Variants in IL17REL observed in about 807,000 individuals in gnomAD.
IL17REL encodes the protein interleukin 17 receptor E like, also known as interleukin-17 receptor E-like protein.
Under a neutral mutation model 49.0 loss-of-function variants are expected in IL17REL, and 36 were observed. The observed-to-expected ratio is 0.73, with a 90% CI of 0.56 to 0.97. IL17REL has a LOEUF of 0.97. Among genes scored for constraint, IL17REL ranks in the 50% least tolerant of loss-of-function variants. The probability of loss-of-function intolerance (pLI) is 0.00; values close to 1 mark genes in which losing one functional copy is unlikely to be tolerated. For missense variants in IL17REL, 470 were observed against 453.9 expected (o/e 1.04, Z -0.32); for synonymous variants, 206 against 192.4 (o/e 1.07, Z -0.58).
intron 7 of IL17REL, 71 bp from the exon 10 acceptor site, chr22:49,998,380 AC>A: frequency 6.8e-7 from 1 of 1,461,084 alleles, no homozygotes; most frequent in Non-Finnish European, 9.2e-7. Context: ...GGGGTCTAGC[AC>A]CCACTCAAGT....
In IL17REL at chr22:49,999,814, G is replaced by C. The variant is rs1312903704; in HGVS notation, c.474+14C>G. On this transcript the variant is annotated intron_variant, in intron 5 of 12. Transcript: ENST00000341280. ...GGCCTAAGGCTGACCGGGGCCCGGG[G>C]CGCGGGCGCTCACTCGCACAGGGGC... 7 of 1,496,032 alleles carry C rather than the reference G, an allele frequency of 4.7e-6. No individual in the cohort carries two copies. Among genetic ancestry groups the C allele is most frequent in the African/African-American group, 1.5e-5 (1 of 68,964 alleles). The allele number at this position is 1,496,032 out of a possible 1,614,324, so 92.7% of individuals were successfully genotyped here. A position where few individuals can be genotyped will look rare whatever the true frequency, so the allele number is the denominator to read the frequency against.
chr22:50,000,485 G>T lies in IL17REL; in HGVS notation c.327C>A (p.Leu109=). The change falls in exon 4 of 13, where the codon CTC becomes CTA. Residue 109 remains leucine (L), a synonymous_variant. Transcript: ENST00000341280. ...GGGCCCTGGGGACCCTACCTTCCAC[G>T]AGGTGCCTCTGGTCCAGCTGGACCC... is the stretch of plus-strand genomic sequence containing the variant. 3.1e-6 allele frequency: 5 copies of T among 1,612,106 alleles called. No individual in the cohort carries two copies. The South Asian group carries it at 5.5e-5, about 18-fold the overall frequency.
downstream of IL17REL, among the ~76,000 whole-genome samples, chr22:49,994,319 G>A (rs2061020869): frequency 6.6e-6 from 1 of 152,098 alleles, no homozygotes; most frequent in South Asian, 2.1e-4. Context: ...ATGTGACGCT[G>A]ACCTCAAATC....
At chr22:49,994,981 C>T (rs1055940110) in exon 13 of IL17REL, 5 of 152,572 alleles carry the variant, frequency 3.3e-5, no homozygotes, top group African/African-American at 7.2e-5. Context: ...AGTGACTGAC[C>T]GTTGCTGGGT....
chr22:50,009,931 G>A, upstream of IL17REL, among the ~76,000 whole-genome samples: 1 of 152,272 alleles, frequency 6.6e-6, no homozygotes. Context: ...GTGTGGAATC[G>A]GCGGCAGTCA....
At chr22:50,003,075 TAG>T (rs761205374) in intron 1 of IL17REL, among the ~76,000 whole-genome samples, 2 of 152,066 alleles carry the variant, frequency 1.3e-5, no homozygotes, top group Non-Finnish European at 2.9e-5. Context: ...GAAACTGGGA[TAG>T]AGAGTCTGGG....
chr22:50,009,314 C>T (rs1215984477), upstream of IL17REL, among the ~76,000 whole-genome samples: 1 of 152,100 alleles, frequency 6.6e-6, no homozygotes, highest in Admixed American at 6.5e-5. Flanking sequence ...CCCAACCTGA[C>T]CAAGGGCACT....
rs1188172395 is a variant in IL17REL, at chr22:49,999,341, C to T, written c.551G>A (p.Trp184Ter). 6.2e-7 allele frequency: 1 copy of T among 1,612,882 alleles called. No individual in the cohort carries two copies. Among genetic ancestry groups the T allele is most frequent in the Non-Finnish European group, 8.5e-7 (1 of 1,180,010 alleles). The change falls in exon 7 of 13, where the codon TGG becomes TAG. Residue 184 changes from tryptophan to a stop codon, truncating the protein, a stop_gained. Coordinates refer to ENST00000341280, the Ensembl canonical transcript of IL17REL. LOFTEE classifies it high-confidence loss of function. Reference sequence around the variant, plus strand: ...CCGCACCGCGTCAGGGGTCGCAGACCAGCCCTGTGGGAGGGGCTGGGGTCA... The same window carrying T: ...CCGCACCGCGTCAGGGGTCGCAGACTAGCCCTGTGGGAGGGGCTGGGGTCA...
intron 10 of IL17REL, 64 bp downstream of exon 12, chr22:49,997,619 GCA>G (rs1302998077): frequency 2.6e-6 from 4 of 1,527,928 alleles, no homozygotes; most frequent in Non-Finnish European, 3.6e-6. Context: ...TCCCTGACCA[GCA>G]CAGAGTGATA....
At position 50,000,743 on chromosome 22, in the gene IL17REL, C is replaced by T; in HGVS notation, c.219+11G>A. On this transcript the variant is annotated intron_variant, in intron 3 of 12. Transcript: ENST00000341280. ...CGGGACTTGGGTGGCAGAGCCCTGC[C>T]TTGGCCTCACCTGCTGCCCCCCCTG... is the stretch of plus-strand genomic sequence containing the variant. 1 of 1,578,300 alleles carries T rather than the reference C, an allele frequency of 6.3e-7. No individual in the cohort carries two copies.
chr22:49,996,713 T>C, exon 13 of IL17REL: 1 of 355,742 alleles, frequency 2.8e-6, no homozygotes, highest in Non-Finnish European at 5.1e-6. Context: ...CCACCCAGTC[T>C]CCTGTTCAGT....
rs1420027153 is a variant in IL17REL, at chr22:49,999,343, G to A, written c.549C>T (p.Gly183=). ...GCACCGCGTCAGGGGTCGCAGACCAGCCCTGTGGGAGGGGCTGGGGTCAGC... is the reference window on the plus strand; with the variant it reads ...GCACCGCGTCAGGGGTCGCAGACCAACCCTGTGGGAGGGGCTGGGGTCAGC... The change falls in exon 7 of 13, where the codon GGC becomes GGT. Residue 183 remains glycine, a splice_region_variant and synonymous_variant. Coordinates refer to ENST00000341280, the Ensembl canonical transcript of IL17REL. 1.9e-6 allele frequency: 3 copies of A among 1,612,872 alleles called. No homozygotes were observed. The East Asian group carries it at 6.7e-5, about 36-fold the overall frequency.
upstream of IL17REL, among the ~76,000 whole-genome samples, chr22:50,011,476 C>G (rs556962986): frequency 3.3e-5 from 5 of 152,126 alleles, no homozygotes; most frequent in African/African-American, 1.2e-4. Flanking sequence ...GCCGCCTCCC[C>G]CCATGTCTCC....
chr22:50,011,184 C>T (rs949014442), upstream of IL17REL, among the ~76,000 whole-genome samples: 6 of 151,812 alleles, frequency 4.0e-5, no homozygotes, highest in African/African-American at 1.2e-4. Flanking sequence ...CTCAACCCTC[C>T]CCACCCCATC....
chr22:49,997,269 GC>G, intron 11 of IL17REL, 50 bp downstream of exon 13: 1 of 1,561,496 alleles, frequency 6.4e-7, no homozygotes, highest in South Asian at 1.1e-5. Flanking sequence ...ATGGGGTCCT[GC>G]CGCCACCACC....
At chr22:49,997,018 G>T (rs1296474867) in exon 12 of IL17REL, 5 of 1,544,142 alleles carry the variant, frequency 3.2e-6, no homozygotes. Flanking sequence ...CTGGGGCACA[G>T]GCCTCCTCCC....
chr22:50,000,425 C>A, intron 4 of IL17REL, 53 bp downstream of exon 5: 1 of 1,393,970 alleles, frequency 7.2e-7, no homozygotes, highest in Non-Finnish European at 1.0e-6. Context: ...CACCCCAAGC[C>A]AGGCCCTGGA....
upstream of IL17REL, among the ~76,000 whole-genome samples, chr22:50,011,636 C>G (rs1401211770): frequency 1.3e-5 from 2 of 152,064 alleles, no homozygotes; most frequent in Non-Finnish European, 2.9e-5. Context: ...GGACACCCCT[C>G]CCACCTGAAC....
chr22:49,999,519 G>T lies in IL17REL; in HGVS notation c.475-17C>A, dbSNP rs906987811. The T allele has an allele frequency of 1.3e-6, 2 of 1,589,618 alleles. No homozygotes were observed. The highest frequency in any genetic ancestry group is 1.7e-6 in the Non-Finnish European group (2 of 1,171,724). On this transcript the variant is annotated splice_polypyrimidine_tract_variant and intron_variant, in intron 5 of 12. Transcript: ENST00000341280. ...GGCGGTCACCTGCAACCCAGAAAGG[G>T]CGGCTGAGGGGCCGCGCGGGAGGGC...
Sources: gnomAD v4.1 joint callset for allele counts (sites outside exome capture counted in the v4.1 genomes callset) on GRCh38, gnomAD v4.1.1 for gene constraint, MANE v1.5 for transcripts, NCBI Gene and HGNC (gene_info 2026-07-23, HGNC 2026-07-21) for gene names.